The following KCNJ6 variants were observed in gnomAD, a reference collection of about 807,000 sequenced individuals.
KCNJ6 encodes the protein potassium inwardly rectifying channel subfamily J member 6.
KCNJ6 carries 9 observed loss-of-function variants against 34.2 expected under a neutral mutation model. That is an observed-to-expected ratio of 0.26 (90% CI 0.16 to 0.46). The LOEUF (loss-of-function observed/expected upper bound fraction) is 0.46. Among genes scored for constraint, KCNJ6 ranks in the 20% least tolerant of loss-of-function variants. KCNJ6 has a pLI of 1.00. For synonymous variants in KCNJ6, 196 were observed against 207.1 expected, an observed-to-expected ratio of 0.95 and a Z score of 0.46; for missense variants, 236 against 531.3, an observed-to-expected ratio of 0.44 and a Z score of 5.46.
chr21:37,860,067 GCAGGTGGA>G (rs2123601116), intron 1 of KCNJ6, among the ~76,000 whole-genome samples: 1 of 152,232 alleles, frequency 6.6e-6, no homozygotes, highest in African/African-American at 2.4e-5. Flanking sequence ...GACACATGCT[GCAGGTGGA>G]CAGGTCACCC....
rs2054282100 is a variant in KCNJ6 at position 37,619,030 on chromosome 21, A to G, written c.*6129T>C. The G allele has an allele frequency of 1.3e-5, 2 of 152,226 alleles. No homozygotes were observed. Among genetic ancestry groups the G allele is most frequent in the Non-Finnish European group, 2.9e-5 (2 of 68,046 alleles). 9.4% of individuals were successfully genotyped at this position (152,226 alleles called of 1,614,324 possible). On this transcript the variant is annotated 3_prime_UTR_variant, in exon 4 of 4. Coordinates refer to ENST00000609713, the MANE Select transcript of KCNJ6 (RefSeq NM_002240.5). The stretch of plus-strand genomic sequence containing the variant: ...GTCACAAGCTTTTTGCATGATCTAT[A>G]TTGTAGATACCATTACCTACTTAGT...
At chr21:37,872,450 C>G (rs1482647696) in intron 1 of KCNJ6, among the ~76,000 whole-genome samples, 1 of 152,148 alleles carries the variant, frequency 6.6e-6, no homozygotes, top group African/African-American at 2.4e-5. Context: ...CCTTGGCCAC[C>G]AACAGGAAGT....
chr21:37,897,197 G>T (rs560659668), intron 1 of KCNJ6, among the ~76,000 whole-genome samples: 2 of 152,184 alleles, frequency 1.3e-5, no homozygotes, highest in African/African-American at 4.8e-5. Context: ...GCTCTAAAAA[G>T]AAGTCCCCTC....
At chr21:37,707,735 G>GTGTGTGTGTGTATGTGTGCATGTGTATCC (rs1267356647) in intron 3 of KCNJ6, among the ~76,000 whole-genome samples, 1 of 149,680 alleles carries the variant, frequency 6.7e-6, no homozygotes, top group African/African-American at 2.5e-5. Flanking sequence ...GTGTGTGTGT[G>GTGTGTGTGTGTATGTGTGCATGTGTATCC]AATAATTTAC....
intron 3 of KCNJ6, among the ~76,000 whole-genome samples, chr21:37,706,997 C>T (rs1612372): frequency 1 from 152,382 of 152,382 alleles, 76,191 homozygotes; most frequent in Non-Finnish European, 1. Flanking sequence ...TGTCCACTTT[C>T]GGTAGAAATT....
At chr21:37,797,508 C>A (rs889709736) in intron 2 of KCNJ6, among the ~76,000 whole-genome samples, 2 of 152,186 alleles carry the variant, frequency 1.3e-5, no homozygotes, top group Non-Finnish European at 2.9e-5. Context: ...TATCTTTATA[C>A]GGCTGTATTT....
At chr21:37,721,359 A>C (rs2054825323) in intron 2 of KCNJ6, among the ~76,000 whole-genome samples, 1 of 152,246 alleles carries the variant, frequency 6.6e-6, no homozygotes. Flanking sequence ...TATGAAAAAC[A>C]GTATCTTAGT....
At chr21:37,654,845 C>G (rs1396680848) in intron 3 of KCNJ6, among the ~76,000 whole-genome samples, 1 of 152,238 alleles carries the variant, frequency 6.6e-6, no homozygotes, top group African/African-American at 2.4e-5. Context: ...ATGCAGCTCT[C>G]TCCCTGGCTC....
chr21:37,846,818 C>G (rs757073941), intron 1 of KCNJ6, among the ~76,000 whole-genome samples: 35 of 152,128 alleles, frequency 2.3e-4, no homozygotes, highest in Admixed American at 7.2e-4. Context: ...AAACCAGGAG[C>G]CCTCAAATCT....
At chr21:37,715,254 T>A in intron 2 of KCNJ6, 123 bp from the exon 3 acceptor site, 1 of 820,716 alleles carries the variant, frequency 1.2e-6, no homozygotes, top group Non-Finnish European at 1.9e-6. Flanking sequence ...ATAAACAAAG[T>A]AGACAAAGCC....
At chr21:37,829,122 A>C (rs1447114411) in intron 2 of KCNJ6, among the ~76,000 whole-genome samples, 1 of 149,558 alleles carries the variant, frequency 6.7e-6, no homozygotes, top group East Asian at 2.0e-4. Flanking sequence ...TGGGAGGATG[A>C]GCAGAAGTGG....
intron 3 of KCNJ6, among the ~76,000 whole-genome samples, chr21:37,678,836 C>T (rs2123416142): frequency 6.6e-6 from 1 of 152,288 alleles, no homozygotes; most frequent in African/African-American, 2.4e-5. Context: ...GGGCCAAATC[C>T]CAGCTCTACT....
intron 3 of KCNJ6, among the ~76,000 whole-genome samples, chr21:37,627,790 AG>A (rs1353176065): frequency 2.3e-5 from 3 of 128,348 alleles, no homozygotes; most frequent in Admixed American, 8.6e-5. Flanking sequence ...TCTCTGTGCA[AG>A]TAGGAGGTGA....
At position 37,609,684 on chromosome 21, in the gene KCNJ6, G is replaced by A. The variant is rs561262484; in HGVS notation, c.*15475C>T. 6.6e-6 allele frequency: 1 copy of A among 152,206 alleles called. No homozygotes were observed. The highest frequency in any genetic ancestry group is 6.5e-5 in the Admixed American group (1 of 15,298). The allele number at this position is 152,206 out of a possible 1,614,324, so 9.4% of individuals were successfully genotyped here. On this transcript the variant is annotated 3_prime_UTR_variant, in exon 4 of 4. Transcript: ENST00000609713. ...TAAATCAGCTTAATTAAAATATTATGGTTTAAGCTTTTTGCCTCCTTAATT... is the reference window on the plus strand; with the variant it reads ...TAAATCAGCTTAATTAAAATATTATAGTTTAAGCTTTTTGCCTCCTTAATT...
At chr21:37,817,035 C>T (rs2055350101) in intron 2 of KCNJ6, among the ~76,000 whole-genome samples, 1 of 152,166 alleles carries the variant, frequency 6.6e-6, no homozygotes, top group Non-Finnish European at 1.5e-5. Flanking sequence ...AGTCCCCTCC[C>T]ATTGTAGCTG....
chr21:37,761,575 A>AGT (rs944652469), intron 2 of KCNJ6, among the ~76,000 whole-genome samples: 2 of 124,982 alleles, frequency 1.6e-5, no homozygotes, highest in East Asian at 4.8e-4. Flanking sequence ...GTGTGTATGT[A>AGT]GTGTGTGTGT....
At chr21:37,854,509 A>T (rs1451198307) in intron 1 of KCNJ6, among the ~76,000 whole-genome samples, 1 of 152,220 alleles carries the variant, frequency 6.6e-6, no homozygotes, top group African/African-American at 2.4e-5. Flanking sequence ...GAGGCAGATG[A>T]GCAAAGGTTG....
chr21:37,806,085 G>A (rs372402116), intron 2 of KCNJ6, among the ~76,000 whole-genome samples: 1 of 152,166 alleles, frequency 6.6e-6, no homozygotes, highest in African/African-American at 2.4e-5. Context: ...TGTTTGTTGA[G>A]TGAATTACTC....
chr21:37,714,506 T>C lies in KCNJ6; in HGVS notation c.651A>G (p.Lys217=), dbSNP rs1464403351. 6.2e-7 allele frequency: 1 copy of C among 1,613,972 alleles called. No individual in the cohort carries two copies. The highest frequency in any genetic ancestry group is 2.2e-5 in the East Asian group (1 of 44,880). The change falls in exon 3 of 4, where the codon AAA becomes AAG. Residue 217 remains lysine, a synonymous_variant. Transcript: ENST00000609713. The surrounding 1 kb of genome is among the most constrained non-coding windows in gnomAD (Gnocchi z 5.9). ...THAVISMRDG[K]LCLMFRVGDL... ...CCCCTACCCGGAACATCAGGCACAG[T>C]TTCCCATCCCGCATGGAGATCACTG...
Sources: allele counts gnomAD v4.1 joint callset (sites outside exome capture counted in the v4.1 genomes callset), GRCh38; gene constraint gnomAD v4.1.1; non-coding constraint Gnocchi (gnomAD v3.1); transcripts MANE v1.5; gene names NCBI Gene and HGNC (gene_info 2026-07-23, HGNC 2026-07-21).